NELL2: variants seen among roughly 807,000 people sequenced by gnomAD.
NELL2 encodes the protein protein kinase C-binding protein NELL2.
Under a neutral mutation model 109.6 loss-of-function variants are expected in NELL2, and 41 were observed. That is an observed-to-expected ratio of 0.37 (90% confidence interval 0.29 to 0.49). NELL2 has a LOEUF of 0.49. Among genes scored for constraint, NELL2 ranks in the 20% least tolerant of loss-of-function variants. The probability of loss-of-function intolerance (pLI) is 0.98; values close to 1 mark genes in which losing one functional copy is unlikely to be tolerated. For synonymous variants in NELL2, 355 were observed against 344.7 expected, an observed-to-expected ratio of 1.03 and a Z score of -0.33; for missense variants, 900 against 1,008.3, an observed-to-expected ratio of 0.89 and a Z score of 1.45.
At chr12:44,882,678 C>A (rs557627491) in intron 1 of NELL2, among the ~76,000 whole-genome samples, 1 of 151,276 alleles carries the variant, frequency 6.6e-6, no homozygotes, top group Non-Finnish European at 1.5e-5. Context: ...CAGGCAGGCA[C>A]CACCAGGCCT....
At position 44,574,070 on chromosome 12, in the gene NELL2, T is replaced by A. The variant is rs111479722; in HGVS notation, c.1663+33099A>T. Among the ~76,000 whole-genome samples, 1,065 of 151,942 alleles carry A rather than the reference T, an allele frequency of 7.0e-3. 11 individuals are homozygous for A. Among genetic ancestry groups the A allele is most frequent in the African/African-American group, 0.024 (992 of 41,454 alleles). On this transcript the variant is annotated intron_variant, in intron 15 of 19. Coordinates refer to ENST00000429094, the MANE Select transcript of NELL2 (RefSeq NM_001145108.2). ...TGTTTGTTATTTTTTATTTTATTTT[T>A]ATTTTTTTTTTGAGATGGAGTCTCG...
At chr12:44,720,080 T>A (rs1356186882) in intron 9 of NELL2, among the ~76,000 whole-genome samples, 2 of 152,164 alleles carry the variant, frequency 1.3e-5, no homozygotes, top group Non-Finnish European at 2.9e-5. Flanking sequence ...AACAATATGG[T>A]CATAATAAAA....
intron 15 of NELL2, among the ~76,000 whole-genome samples, chr12:44,579,258 G>T (rs1397418113): frequency 4.6e-5 from 7 of 152,272 alleles, no homozygotes; most frequent in Admixed American, 4.6e-4. Context: ...TCAGAGTTTG[G>T]ATTAGCTCAC....
At chr12:44,784,901 T>G (rs1186055075) in intron 3 of NELL2, among the ~76,000 whole-genome samples, 2 of 152,150 alleles carry the variant, frequency 1.3e-5, no homozygotes, top group Non-Finnish European at 2.9e-5. Context: ...AAGAACTATT[T>G]ATGACAAACC....
At chr12:44,842,288 C>T (rs1322854400) in intron 2 of NELL2, among the ~76,000 whole-genome samples, 1 of 152,004 alleles carries the variant, frequency 6.6e-6, no homozygotes, top group African/African-American at 2.4e-5. Context: ...GGAACAGAGA[C>T]ATATTTACGT....
chr12:44,912,677 T>C (rs1945792857), intron 1 of NELL2, among the ~76,000 whole-genome samples: 1 of 152,178 alleles, frequency 6.6e-6, no homozygotes, highest in African/African-American at 2.4e-5. Context: ...ACCTTCTACA[T>C]GCTAAGCCTA....
In NELL2 at chr12:44,819,679, A is replaced by G. The variant is rs982287023; in HGVS notation, c.185-3543T>C. On this transcript the variant is annotated intron_variant, in intron 2 of 19. Transcript: ENST00000429094. ...GCTCATTCACTCATGCAGGGTCACA[A>G]TTCAGGACAGGACCACTTACCCTAT... is the stretch of plus-strand genomic sequence containing the variant. Among the ~76,000 whole-genome samples, 15 of 152,074 alleles carry G rather than the reference A, an allele frequency of 9.9e-5. 1 individual carries two copies. The highest frequency in any genetic ancestry group is 3.4e-4 in the African/African-American group (14 of 41,416).
chr12:44,900,886 G>A (rs1004499816), intron 1 of NELL2, among the ~76,000 whole-genome samples: 2 of 152,088 alleles, frequency 1.3e-5, no homozygotes, highest in Non-Finnish European at 2.9e-5. Context: ...CTACTCAAGA[G>A]GCTGAGGCAG....
chr12:44,800,674 G>A (rs868809413), intron 3 of NELL2, among the ~76,000 whole-genome samples: 8 of 152,168 alleles, frequency 5.3e-5, no homozygotes, highest in Middle Eastern at 3.4e-3. Flanking sequence ...TTTCTCTTAC[G>A]TTAACAATTT....
intron 13 of NELL2, among the ~76,000 whole-genome samples, chr12:44,644,528 C>G (rs185243942): frequency 2.8e-4 from 41 of 146,566 alleles, no homozygotes; most frequent in Non-Finnish European, 5.7e-4. Flanking sequence ...GACTGTCAAT[C>G]TTCTGAAGGA....
At chr12:44,872,491 A>T (rs1459371950) in intron 2 of NELL2, among the ~76,000 whole-genome samples, 5 of 152,198 alleles carry the variant, frequency 3.3e-5, no homozygotes, top group African/African-American at 1.2e-4. Flanking sequence ...TATAGATAAT[A>T]ATAAATTTAC....
In NELL2 at chr12:44,858,313, C is replaced by T. The variant is rs111961968; in HGVS notation, c.184+16912G>A. On this transcript the variant is annotated intron_variant, in intron 2 of 19. Transcript: ENST00000429094. ...CTCAGAATTACCTCCATCATTCCTT[C>T]CCTTTGTCTGGAATACAATGTGACC... Among the ~76,000 whole-genome samples the T allele has an allele frequency of 4.1e-3, 626 of 152,322 alleles. 3 individuals are homozygous for T. Among genetic ancestry groups the T allele is most frequent in the African/African-American group, 0.014 (574 of 41,572 alleles).
chr12:44,845,922 T>C (rs1944354985), intron 2 of NELL2, among the ~76,000 whole-genome samples: 1 of 152,232 alleles, frequency 6.6e-6, no homozygotes, highest in African/African-American at 2.4e-5. Context: ...TCTCTATTCA[T>C]GTCAAAGGTT....
chr12:44,600,363 A>G (rs1348785307), intron 15 of NELL2, among the ~76,000 whole-genome samples: 1 of 151,868 alleles, frequency 6.6e-6, no homozygotes, highest in Non-Finnish European at 1.5e-5. Flanking sequence ...CTGCTCTAAG[A>G]GAGTACTAAA....
chr12:44,785,965 A>G (rs900764211), intron 3 of NELL2, among the ~76,000 whole-genome samples: 1 of 152,186 alleles, frequency 6.6e-6, no homozygotes, highest in African/African-American at 2.4e-5. Flanking sequence ...GGACATAGGC[A>G]CGGGCAAAGA....
chr12:44,581,265 GC>G (rs1331765909), intron 15 of NELL2, among the ~76,000 whole-genome samples: 2 of 152,076 alleles, frequency 1.3e-5, no homozygotes, highest in African/African-American at 2.4e-5. Context: ...AGTAGTCAGA[GC>G]TCTACATCTT....
intron 9 of NELL2, among the ~76,000 whole-genome samples, chr12:44,758,636 T>C (rs923426461): frequency 1.3e-5 from 2 of 152,176 alleles, no homozygotes; most frequent in Non-Finnish European, 2.9e-5. Context: ...GTGATGAAGA[T>C]ACAGAGATAA....
At chr12:44,907,066 G>C (rs1255415865) in intron 1 of NELL2, among the ~76,000 whole-genome samples, 3 of 151,952 alleles carry the variant, frequency 2.0e-5, no homozygotes, top group African/African-American at 4.8e-5. Context: ...GTTTTATAAG[G>C]GGCTTTTCCC....
At chr12:44,600,994 C>T (rs773464902) in intron 15 of NELL2, among the ~76,000 whole-genome samples, 28 of 151,868 alleles carry the variant, frequency 1.8e-4, no homozygotes, top group Admixed American at 9.8e-4. Context: ...AGGGATCCTG[C>T]GAATTCAAAG....
Sources: gnomAD v4.1 joint callset for allele counts (sites outside exome capture counted in the v4.1 genomes callset) on GRCh38, gnomAD v4.1.1 for gene constraint, MANE v1.5 for transcripts, NCBI Gene and HGNC (gene_info 2026-07-23, HGNC 2026-07-21) for gene names.